Variants in PDE5A observed in about 807,000 individuals in gnomAD.
PDE5A encodes phosphodiesterase 5A.
PDE5A carries 67 observed loss-of-function variants against 110.2 expected under a neutral mutation model. That is an observed-to-expected ratio of 0.61 (90% confidence interval 0.50 to 0.75). PDE5A has a LOEUF of 0.75. PDE5A is among the 30% of genes least tolerant of loss of function. The pLI is 0.00. For synonymous variants in PDE5A, 328 were observed against 351.2 expected (o/e 0.93, Z 0.74); for missense variants, 862 against 1,045.1 (o/e 0.82, Z 2.42).
chr4:119,518,630 T>A (rs1466168889), intron 14 of PDE5A, among the ~76,000 whole-genome samples: 1 of 152,234 alleles, frequency 6.6e-6, no homozygotes, highest in Non-Finnish European at 1.5e-5. Flanking sequence ...GAGTGCTATG[T>A]AGCTTCCACT....
chr4:119,495,653 T>G lies in PDE5A; in HGVS notation c.*2948A>C, dbSNP rs1386871044. On this transcript the variant is annotated 3_prime_UTR_variant, in exon 21 of 21. Coordinates refer to ENST00000354960, the MANE Select transcript of PDE5A (RefSeq NM_001083.4). The stretch of plus-strand genomic sequence containing the variant: ...ATATTTCCAGTATATTTTCATATAC[T>G]TTCTTATCTCTAATACTCCTATTAA... The G allele has an allele frequency of 2.6e-5, 4 of 152,608 alleles. No homozygotes were observed. Among genetic ancestry groups the G allele is most frequent in the Non-Finnish European group, 5.9e-5 (4 of 68,036 alleles). The allele number at this position is 152,608 out of a possible 1,614,324, so 9.5% of individuals were successfully genotyped here.
intron 9 of PDE5A, chr4:119,543,307 A>G (rs1219618842): frequency 1.3e-5 from 2 of 152,142 alleles, no homozygotes; most frequent in Admixed American, 6.5e-5. Flanking sequence ...TGGTTGTTCT[A>G]TGAGTTTCTG....
rs1446560958 is a variant in PDE5A, at chr4:119,502,714, A to C, written c.2332-59T>G. 1.0e-5 allele frequency: 12 copies of C among 1,142,860 alleles called. No individual in the cohort carries two copies. The East Asian group carries it at 2.8e-4, about 27-fold the overall frequency. The allele number at this position is 1,142,860 out of a possible 1,614,324, so 70.8% of individuals were successfully genotyped here. ...AAAAGCATATCATTCTTTAAAACAG[A>C]GACCGTGAATGAAGGCCCTGTTAGG... is the stretch of plus-strand genomic sequence containing the variant. On this transcript the variant is annotated intron_variant, in intron 18 of 20. Coordinates refer to ENST00000354960, the MANE Select transcript of PDE5A (RefSeq NM_001083.4).
intron 11 of PDE5A, among the ~76,000 whole-genome samples, chr4:119,532,023 T>C (rs563311920): frequency 6.6e-5 from 10 of 152,290 alleles, no homozygotes; most frequent in African/African-American, 2.4e-4. Flanking sequence ...TTTATATATT[T>C]AATCAACTCT....
At position 119,623,470 on chromosome 4, in the gene PDE5A, A is replaced by C. The variant is rs1186717571; in HGVS notation, c.152+5050T>G. On this transcript the variant is annotated intron_variant, in intron 1 of 20. Transcript: ENST00000354960. ...AGAACAAATATAGCTTGACACAGCA[A>C]TTATAGGTTTAACTTCTAAGTTAAT... Among the ~76,000 whole-genome samples the C allele has an allele frequency of 2.6e-5, 4 of 152,242 alleles. No individual in the cohort carries two copies. In the South Asian group the frequency reaches 8.3e-4, roughly 32 times the overall value.
chr4:119,559,426 A>G (rs1364076698), intron 7 of PDE5A, among the ~76,000 whole-genome samples: 1 of 152,218 alleles, frequency 6.6e-6, no homozygotes, highest in Non-Finnish European at 1.5e-5. Context: ...TATGATTATC[A>G]TACTGATGTT....
At chr4:119,512,912 T>C (rs921228158) in intron 14 of PDE5A, 13 of 152,144 alleles carry the variant, frequency 8.5e-5, no homozygotes, top group African/African-American at 3.1e-4. Context: ...AATCCTGGCA[T>C]GCGAGTAGGT....
intron 4 of PDE5A, among the ~76,000 whole-genome samples, chr4:119,566,779 T>TA (rs1727950251): frequency 6.6e-6 from 1 of 152,208 alleles, no homozygotes; most frequent in African/African-American, 2.4e-5. Flanking sequence ...AGGTAAATGA[T>TA]ATAGTTAAAA....
At chr4:119,578,764 G>A (rs1411829230) in intron 3 of PDE5A, among the ~76,000 whole-genome samples, 1 of 152,086 alleles carries the variant, frequency 6.6e-6, no homozygotes, top group African/African-American at 2.4e-5. Flanking sequence ...ATACCATTCA[G>A]GACATAGGCA....
intron 17 of PDE5A, among the ~76,000 whole-genome samples, chr4:119,505,598 A>T (rs1380072299): frequency 6.6e-6 from 1 of 151,964 alleles, no homozygotes; most frequent in African/African-American, 2.4e-5. Context: ...ACCTATAGCC[A>T]TATATTGATA....
chr4:119,502,941 A>T (rs535047264), intron 18 of PDE5A, among the ~76,000 whole-genome samples: 5 of 152,236 alleles, frequency 3.3e-5, no homozygotes, highest in African/African-American at 9.6e-5. Context: ...CTCCCCATAA[A>T]ACAGTATGTA....
At chr4:119,545,071 A>T (rs1420333650) in intron 9 of PDE5A, among the ~76,000 whole-genome samples, 1 of 152,200 alleles carries the variant, frequency 6.6e-6, no homozygotes, top group Non-Finnish European at 1.5e-5. Flanking sequence ...TCATCCATCT[A>T]GGCATATAAA....
rs187444806 is a variant in PDE5A at position 119,516,898 on chromosome 4, C to T, written c.2000+2147G>A. Among the ~76,000 whole-genome samples the T allele has an allele frequency of 9.8e-4, 150 of 152,308 alleles. 3 individuals are homozygous for T. Among genetic ancestry groups the T allele is most frequent in the Non-Finnish European group, 1.8e-4 (12 of 68,032 alleles). On this transcript the variant is annotated intron_variant, in intron 14 of 20. Coordinates refer to ENST00000354960, the MANE Select transcript of PDE5A (RefSeq NM_001083.4). ...CCTCCCAAAGTGCTGGGATTACAGG[C>T]GTGAGCCACCGCGCCCAGCCCTCAT...
intron 12 of PDE5A, among the ~76,000 whole-genome samples, chr4:119,523,214 T>A (rs1422225323): frequency 6.6e-6 from 1 of 151,886 alleles, no homozygotes; most frequent in Non-Finnish European, 1.5e-5. Context: ...CAGGGAGGAA[T>A]GAGATGTAAA....
At chr4:119,552,711 C>T in intron 8 of PDE5A, 74 bp from the exon 9 acceptor site, 2 of 716,658 alleles carry the variant, frequency 2.8e-6, no homozygotes, top group Non-Finnish European at 4.5e-6. Context: ...GCCATATAAA[C>T]TATATGACAC....
intron 3 of PDE5A, among the ~76,000 whole-genome samples, chr4:119,591,666 G>A (rs1728969744): frequency 6.6e-6 from 1 of 152,018 alleles, no homozygotes; most frequent in Non-Finnish European, 1.5e-5. Context: ...TTTATTTTTT[G>A]GCCAGCCAAA....
intron 7 of PDE5A, among the ~76,000 whole-genome samples, chr4:119,559,589 CA>C (rs1157991914): frequency 6.6e-6 from 1 of 151,414 alleles, no homozygotes; most frequent in East Asian, 1.9e-4. Context: ...ATCTTCTTTC[CA>C]AAAAGGAAAA....
intron 10 of PDE5A, among the ~76,000 whole-genome samples, chr4:119,540,141 T>C (rs1423122944): frequency 1.3e-5 from 2 of 152,092 alleles, no homozygotes; most frequent in Non-Finnish European, 2.9e-5. Flanking sequence ...AGTTCATTTT[T>C]GAGAGAGACA....
chr4:119,544,325 C>G (rs1727056444), intron 9 of PDE5A, among the ~76,000 whole-genome samples: 2 of 152,108 alleles, frequency 1.3e-5, no homozygotes, highest in Admixed American at 6.5e-5. Context: ...ATCAATTATT[C>G]CATAGTCAAG....
Sources: gnomAD v4.1 joint callset for allele counts (sites outside exome capture counted in the v4.1 genomes callset) on GRCh38, gnomAD v4.1.1 for gene constraint, MANE v1.5 for transcripts, NCBI Gene and HGNC (gene_info 2026-07-23, HGNC 2026-07-21) for gene names.